Variants in RBFOX1 observed in about 807,000 individuals in gnomAD.
The protein encoded by RBFOX1 is RNA binding fox-1 homolog 1.
In RBFOX1, 8 loss-of-function variants were observed where a neutral mutation model predicts 57.7. The observed-to-expected ratio is 0.14, with a 90% confidence interval of 0.08 to 0.25. RBFOX1 has a LOEUF of 0.25. RBFOX1 is among the 10% of genes least tolerant of loss of function. The pLI, the probability that RBFOX1 is intolerant of heterozygous loss-of-function variation, is 1.00. For synonymous variants in RBFOX1, 326 were observed against 222.4 expected, an observed-to-expected ratio of 1.47 and a Z score of -4.15; for missense variants, 611 against 548.5, an observed-to-expected ratio of 1.11 and a Z score of -1.14.
intron 3 of RBFOX1, among the ~76,000 whole-genome samples, chr16:5,809,012 A>G (rs1198289504): frequency 6.6e-6 from 1 of 152,172 alleles, no homozygotes; most frequent in Non-Finnish European, 1.5e-5. Flanking sequence ...TTCAAACCCT[A>G]ACGCTGCGTA....
intron 3 of RBFOX1, among the ~76,000 whole-genome samples, chr16:6,689,348 C>G (rs970787420): frequency 6.6e-6 from 1 of 151,986 alleles, no homozygotes; most frequent in Non-Finnish European, 1.5e-5. Flanking sequence ...TCTCTTAAGT[C>G]TTCACCTCCA....
chr16:6,921,503 G>C (rs1486496645), intron 3 of RBFOX1, among the ~76,000 whole-genome samples: 1 of 152,112 alleles, frequency 6.6e-6, no homozygotes, highest in Non-Finnish European at 1.5e-5. Flanking sequence ...GCTGCATTCA[G>C]CTTTCTGAGG....
intron 4 of RBFOX1, among the ~76,000 whole-genome samples, chr16:7,341,472 G>A (rs1017624375): frequency 6.6e-6 from 1 of 152,136 alleles, no homozygotes; most frequent in Non-Finnish European, 1.5e-5. Flanking sequence ...GTTGCGTAGG[G>A]GGGCCATGCC....
intron 1 of RBFOX1, among the ~76,000 whole-genome samples, chr16:5,407,035 C>T (rs1195414585): frequency 6.6e-6 from 1 of 152,160 alleles, no homozygotes; most frequent in East Asian, 1.9e-4. Context: ...TTATAAAAGG[C>T]AGAGGTTTAG....
intron 4 of RBFOX1, among the ~76,000 whole-genome samples, chr16:7,147,219 G>A (rs552036417): frequency 5.3e-5 from 8 of 150,536 alleles, no homozygotes; most frequent in African/African-American, 2.0e-4. Flanking sequence ...TGGCCAGGCT[G>A]GTCAGGAACT....
intron 4 of RBFOX1, among the ~76,000 whole-genome samples, chr16:7,330,361 C>G (rs2096668482): frequency 7.3e-6 from 1 of 136,842 alleles, no homozygotes; most frequent in African/African-American, 2.7e-5. Context: ...AACAAACAGT[C>G]TGTATATGTT....
At chr16:6,318,711 C>G (rs913491113) in intron 2 of RBFOX1, among the ~76,000 whole-genome samples, 3 of 151,926 alleles carry the variant, frequency 2.0e-5, no homozygotes, top group Non-Finnish European at 4.4e-5. Context: ...GTTAATTTGT[C>G]TATGGATATG....
In RBFOX1 at chr16:6,465,884, T is replaced by TTGTGTGTGTG. The variant is rs111917166; in HGVS notation, c.-64+148837_-64+148846dup. On this transcript the variant is annotated intron_variant, in intron 2 of 15. Transcript: ENST00000550418. ...TTGGAAACTAAATACATTTGTGTGT[T>TTGTGTGTGTG]TGTGTGTGTGTGTGTGTGTTCTTTA... 6.8e-3 allele frequency among the ~76,000 whole-genome samples: 990 copies of TTGTGTGTGTG among 146,312 alleles called. 9 individuals are homozygous for TTGTGTGTGTG. Among genetic ancestry groups the TTGTGTGTGTG allele is most frequent in the East Asian group, 0.016 (77 of 4,724 alleles).
At chr16:7,369,290 G>A (rs904563589) in intron 4 of RBFOX1, among the ~76,000 whole-genome samples, 3 of 152,006 alleles carry the variant, frequency 2.0e-5, no homozygotes, top group African/African-American at 7.2e-5. Context: ...ATGTCTTCCA[G>A]AGGAAGCTCA....
At chr16:5,753,590 T>C (rs1597108986) in intron 3 of RBFOX1, among the ~76,000 whole-genome samples, 1 of 152,190 alleles carries the variant, frequency 6.6e-6, no homozygotes, top group East Asian at 1.9e-4. Flanking sequence ...CGAGAGCCGA[T>C]TGTGAAATTT....
chr16:6,023,728 A>G (rs1419764245), intron 1 of RBFOX1, among the ~76,000 whole-genome samples: 1 of 152,156 alleles, frequency 6.6e-6, no homozygotes, highest in African/African-American at 2.4e-5. Context: ...ACAAATTAAT[A>G]CTGGCTGACT....
chr16:7,434,850 T>C (rs928656079), intron 4 of RBFOX1, among the ~76,000 whole-genome samples: 1 of 151,854 alleles, frequency 6.6e-6, no homozygotes, highest in African/African-American at 2.4e-5. Flanking sequence ...AGTGATTCTC[T>C]AGCCTCAGCC....
At chr16:7,065,911 T>C (rs2055892298) in intron 4 of RBFOX1, among the ~76,000 whole-genome samples, 1 of 152,198 alleles carries the variant, frequency 6.6e-6, no homozygotes, top group East Asian at 1.9e-4. Flanking sequence ...CATGTCTTTC[T>C]GTGTAAGGCC....
intron 2 of RBFOX1, among the ~76,000 whole-genome samples, chr16:5,491,448 C>G (rs1053115509): frequency 6.6e-6 from 1 of 152,190 alleles, no homozygotes; most frequent in Non-Finnish European, 1.5e-5. Context: ...TACATATATT[C>G]ACCAAGTGTC....
chr16:6,863,997 T>C (rs2059475022), intron 3 of RBFOX1, among the ~76,000 whole-genome samples: 1 of 151,066 alleles, frequency 6.6e-6, no homozygotes, highest in Admixed American at 6.6e-5. Context: ...TCCTTTTTTT[T>C]TTTTTTTGTT....
chr16:7,692,523 C>T (rs747018507), intron 14 of RBFOX1, among the ~76,000 whole-genome samples: 1 of 152,098 alleles, frequency 6.6e-6, no homozygotes, highest in African/African-American at 2.4e-5. Context: ...ACCCAGAGCC[C>T]CTGTACTGCT....
intron 10 of RBFOX1, among the ~76,000 whole-genome samples, chr16:7,624,422 G>C (rs568052077): frequency 6.6e-6 from 1 of 152,308 alleles, no homozygotes; most frequent in African/African-American, 2.4e-5. Flanking sequence ...TTGATATTCA[G>C]AATCATTCTT....
At chr16:6,387,255 C>T (rs1217838488) in intron 2 of RBFOX1, among the ~76,000 whole-genome samples, 4 of 152,100 alleles carry the variant, frequency 2.6e-5, no homozygotes, top group African/African-American at 7.2e-5. Flanking sequence ...TGTAAGCATC[C>T]GTAGCCTTCA....
At chr16:7,267,813 G>T (rs566971700) in intron 4 of RBFOX1, among the ~76,000 whole-genome samples, 1 of 151,022 alleles carries the variant, frequency 6.6e-6, no homozygotes, top group East Asian at 2.0e-4. Flanking sequence ...CTGAGATTGT[G>T]CCACTGCACT....
Sources: gnomAD v4.1 joint callset for allele counts (sites outside exome capture counted in the v4.1 genomes callset) on GRCh38, gnomAD v4.1.1 for gene constraint, MANE v1.5 for transcripts, NCBI Gene and HGNC (gene_info 2026-07-23, HGNC 2026-07-21) for gene names.